Variants in LINGO2 observed in about 807,000 individuals in gnomAD.
LINGO2 encodes the protein leucine rich repeat and Ig domain containing 2, also known as leucine-rich repeat and immunoglobulin-like domain-containing nogo receptor-interacting protein 2.
In LINGO2, 14 loss-of-function variants were observed where a neutral mutation model predicts 30.6. The ratio of observed to expected loss-of-function variants is 0.46; its 90% CI spans 0.30 to 0.72. The LOEUF (loss-of-function observed/expected upper bound fraction) is 0.72, where lower values mean the gene tolerates loss of function less well. LINGO2 is among the 30% of genes least tolerant of loss of function. The pLI, the probability that LINGO2 is intolerant of heterozygous loss-of-function variation, is 0.07. For missense variants in LINGO2, 729 were observed against 751.7 expected, an observed-to-expected ratio of 0.97 and a Z score of 0.35; for synonymous variants, 317 against 288.5, an observed-to-expected ratio of 1.10 and a Z score of -1.00.
chr9:28,195,800 T>C (rs935117057), intron 4 of LINGO2, among the ~76,000 whole-genome samples: 7 of 151,504 alleles, frequency 4.6e-5, no homozygotes, highest in African/African-American at 1.7e-4. Context: ...AACAGAAAAC[T>C]CTGTTTAAAT....
At chr9:28,323,675 C>G (rs953924) in intron 3 of LINGO2, among the ~76,000 whole-genome samples, 2 of 152,092 alleles carry the variant, frequency 1.3e-5, no homozygotes, top group South Asian at 2.1e-4. Flanking sequence ...AACTCCAGAG[C>G]GTAGCATCAA....
chr9:28,196,898 T>C (rs1820033716), intron 4 of LINGO2, among the ~76,000 whole-genome samples: 1 of 151,804 alleles, frequency 6.6e-6, no homozygotes, highest in South Asian at 2.1e-4. Context: ...GAGGCCAGGA[T>C]GGGAAGTGGG....
chr9:28,876,495 G>A, the LINGO2 span, among the ~76,000 whole-genome samples: 6 of 151,736 alleles, frequency 4.0e-5, no homozygotes, highest in South Asian at 2.1e-4. Context: ...GTGAGAACAC[G>A]TGGTGTTTGG....
At chr9:28,733,022 T>G in the LINGO2 span, among the ~76,000 whole-genome samples, 1 of 152,208 alleles carries the variant, frequency 6.6e-6, no homozygotes, top group South Asian at 2.1e-4. Context: ...GTATACTCCA[T>G]AATTATTACA....
intron 2 of LINGO2, among the ~76,000 whole-genome samples, chr9:28,427,445 G>A (rs903018919): frequency 6.6e-6 from 1 of 152,078 alleles, no homozygotes; most frequent in African/African-American, 2.4e-5. Context: ...AGCACTTGAT[G>A]TATATTCTCT....
chr9:27,944,507 C>A (rs1345995358), downstream of LINGO2: 13 of 152,018 alleles, frequency 8.6e-5, no homozygotes, highest in African/African-American at 2.9e-4. Context: ...TGTTGCCTAA[C>A]GAAAATAGAA....
intron 1 of LINGO2, among the ~76,000 whole-genome samples, chr9:28,540,867 C>A (rs868295048): frequency 6.6e-6 from 1 of 152,156 alleles, no homozygotes; most frequent in African/African-American, 2.4e-5. Context: ...CAGGTGTACA[C>A]CAACTTAACC....
intron 1 of LINGO2, among the ~76,000 whole-genome samples, chr9:28,525,070 A>T (rs1277737886): frequency 3.3e-5 from 5 of 152,202 alleles, no homozygotes; most frequent in Non-Finnish European, 1.5e-5. Context: ...TATTTATCTA[A>T]AAAATATATA....
chr9:28,947,951 AAAAT>A, the LINGO2 span, among the ~76,000 whole-genome samples: 1 of 152,110 alleles, frequency 6.6e-6, no homozygotes, highest in East Asian at 1.9e-4. Context: ...GGGAACATGG[AAAAT>A]AAAAACCTAG....
At chr9:28,782,535 T>C in the LINGO2 span, among the ~76,000 whole-genome samples, 10 of 152,160 alleles carry the variant, frequency 6.6e-5, no homozygotes, top group African/African-American at 1.9e-4. Flanking sequence ...ACATTAACTA[T>C]GTGTTGTGAC....
intron 5 of LINGO2, among the ~76,000 whole-genome samples, chr9:27,985,965 G>A (rs1419182412): frequency 1.3e-5 from 2 of 151,772 alleles, no homozygotes; most frequent in Admixed American, 1.3e-4. Flanking sequence ...CTTCTCACTG[G>A]AAAACTCTCA....
chr9:29,188,547 A>G, the LINGO2 span, among the ~76,000 whole-genome samples: 1 of 150,546 alleles, frequency 6.6e-6, no homozygotes, highest in East Asian at 2.0e-4. Context: ...ATTCCACAAA[A>G]CCGCCATTGT....
rs1355130849 is a variant in LINGO2 at position 28,626,885 on chromosome 9, AT to A, written c.-365+43314del. Among the ~76,000 whole-genome samples, 14 of 151,978 alleles carry A rather than the reference AT, an allele frequency of 9.2e-5. No homozygotes were observed. In the South Asian group the frequency reaches 2.7e-3, roughly 29 times the overall value. On this transcript the variant is annotated intron_variant, in intron 1 of 5. Transcript: ENST00000379992. Reference sequence around the variant, plus strand: ...TCATTATTTTCATGCTTTGAAAAAAATATTGAGCATGTTTATAGTAGCCATT... The same window carrying A: ...TCATTATTTTCATGCTTTGAAAAAAAATTGAGCATGTTTATAGTAGCCATT...
At chr9:27,963,266 G>A (rs1007058293) in intron 5 of LINGO2, among the ~76,000 whole-genome samples, 8 of 152,046 alleles carry the variant, frequency 5.3e-5, no homozygotes, top group Middle Eastern at 3.2e-3. Flanking sequence ...TAATGGTTTC[G>A]TTTGTTGAAT....
At chr9:28,407,570 G>A (rs1331910) in intron 2 of LINGO2, among the ~76,000 whole-genome samples, 140,068 of 152,188 alleles carry the variant, frequency 0.92, 64,587 homozygotes, top group East Asian at 1. Context: ...AAGAAAGGAA[G>A]CTTGGATTTG....
the LINGO2 span, among the ~76,000 whole-genome samples, chr9:29,077,891 CA>C: frequency 4.0e-5 from 6 of 151,710 alleles, no homozygotes; most frequent in Non-Finnish European, 7.4e-5. Context: ...TGAAGAAAAG[CA>C]GCATCTATCA....
downstream of LINGO2, chr9:27,943,207 G>C (rs1006340017): frequency 6.6e-6 from 1 of 152,112 alleles, no homozygotes; most frequent in African/African-American, 2.4e-5. Context: ...AAGTTAACAT[G>C]GCAACCAAAT....
At chr9:28,022,887 T>TCA (rs112374974) in intron 4 of LINGO2, among the ~76,000 whole-genome samples, 6,382 of 110,244 alleles carry the variant, frequency 0.058, 455 homozygotes, top group East Asian at 0.32. Context: ...GTTTTGTTTT[T>TCA]CAGTTTGGGA....
chr9:28,499,956 G>T (rs1356265266), intron 1 of LINGO2, among the ~76,000 whole-genome samples: 1 of 152,154 alleles, frequency 6.6e-6, no homozygotes, highest in Non-Finnish European at 1.5e-5. Context: ...TTTGATGGTA[G>T]TCAGTTAAAA....
Sources: allele counts gnomAD v4.1 joint callset (sites outside exome capture counted in the v4.1 genomes callset), GRCh38; gene constraint gnomAD v4.1.1; transcripts MANE v1.5; gene names NCBI Gene and HGNC (gene_info 2026-07-23, HGNC 2026-07-21).